Variants in FHOD3 observed in about 807,000 individuals in gnomAD.
The protein encoded by FHOD3 is formin homology 2 domain containing 3, also known as FH1/FH2 domain-containing protein 3.
In FHOD3, 90 loss-of-function variants were observed where a neutral mutation model predicts 173.0. The ratio of observed to expected loss-of-function variants is 0.52; its 90% confidence interval spans 0.44 to 0.62. FHOD3 has a LOEUF of 0.62. Among genes scored for constraint, FHOD3 ranks in the 20% least tolerant of loss-of-function variants. The probability of loss-of-function intolerance (pLI) is 0.00; values close to 1 mark genes in which losing one functional copy is unlikely to be tolerated. For missense variants in FHOD3, 1,945 were observed against 2,034.7 expected, an observed-to-expected ratio of 0.96 and a Z score of 0.85; for synonymous variants, 828 against 823.0, an observed-to-expected ratio of 1.01 and a Z score of -0.10.
At chr18:36,325,932 A>T (rs796296740) in intron 1 of FHOD3, among the ~76,000 whole-genome samples, 20 of 152,360 alleles carry the variant, frequency 1.3e-4, no homozygotes, top group African/African-American at 4.1e-4. Flanking sequence ...CTGAACGAGA[A>T]GTTTTAAAAA....
Position 36,696,803 on chromosome 18 carries a change from T to G in FHOD3, c.2236+3380T>G, listed in dbSNP as rs961839067. ...AGCCCAAGGGAGGGAAAGAAAGACA[T>G]ACACACGCTCCTGTTTGCACTGTGT... is the stretch of plus-strand genomic sequence containing the variant. On this transcript the variant is annotated intron_variant, in intron 17 of 28. Transcript: ENST00000590592. Among the ~76,000 whole-genome samples the G allele has an allele frequency of 2.0e-5, 3 of 152,184 alleles. No individual in the cohort carries two copies. In the East Asian group the frequency reaches 5.8e-4, roughly 29 times the overall value.
chr18:36,713,637 G>T (rs548137897), intron 18 of FHOD3, among the ~76,000 whole-genome samples: 1 of 152,262 alleles, frequency 6.6e-6, no homozygotes, highest in Non-Finnish European at 1.5e-5. Flanking sequence ...ATATTTCAAA[G>T]TAGAATAATT....
intron 2 of FHOD3, 77 bp from the exon 3 acceptor site, chr18:36,372,603 C>T: frequency 1.6e-6 from 2 of 1,259,686 alleles, no homozygotes; most frequent in East Asian, 2.4e-5. Context: ...ATGTCAGAAC[C>T]TTCACGTGGA....
chr18:36,563,935 C>A lies in FHOD3; in HGVS notation c.512-12516C>A, dbSNP rs112220189. Among the ~76,000 whole-genome samples the A allele has an allele frequency of 7.1e-3, 1,083 of 152,226 alleles. 18 individuals are homozygous for A. Among genetic ancestry groups the A allele is most frequent in the African/African-American group, 0.025 (1,026 of 41,520 alleles). Reference sequence around the variant, plus strand: ...TTGGGCTTAATTACTCGTCTCTACACCTTGTGTTCATTGTCTCTGTCACCT... The same window carrying A: ...TTGGGCTTAATTACTCGTCTCTACAACTTGTGTTCATTGTCTCTGTCACCT... On this transcript the variant is annotated intron_variant, in intron 5 of 28. Transcript: ENST00000590592.
At chr18:36,622,377 T>A (rs1045937618) in intron 9 of FHOD3, among the ~76,000 whole-genome samples, 6 of 152,330 alleles carry the variant, frequency 3.9e-5, no homozygotes, top group Admixed American at 6.5e-5. Context: ...TTCTTAAGAA[T>A]GTTCAGATCA....
intron 3 of FHOD3, among the ~76,000 whole-genome samples, chr18:36,427,904 T>TA (rs1191635359): frequency 6.6e-6 from 1 of 152,244 alleles, no homozygotes; most frequent in African/African-American, 2.4e-5. Flanking sequence ...TTGCTAGTTT[T>TA]AAAAAATCAT....
chr18:36,312,506 T>C (rs1422371536), intron 1 of FHOD3, among the ~76,000 whole-genome samples: 2 of 152,104 alleles, frequency 1.3e-5, no homozygotes, highest in East Asian at 3.9e-4. Context: ...TCAGATCTTG[T>C]CATCTTCCCA....
chr18:36,607,973 G>C (rs567595807), intron 8 of FHOD3, among the ~76,000 whole-genome samples: 1 of 151,978 alleles, frequency 6.6e-6, no homozygotes, highest in Admixed American at 6.6e-5. Flanking sequence ...CTGACTTTTC[G>C]TACAACTATT....
chr18:36,669,956 TG>T (rs1439600829), intron 14 of FHOD3, among the ~76,000 whole-genome samples: 3 of 151,972 alleles, frequency 2.0e-5, no homozygotes, highest in African/African-American at 7.2e-5. Context: ...TTTATATGTC[TG>T]GAAAAAATAT....
chr18:36,443,881 A>C (rs1442208359), intron 3 of FHOD3, among the ~76,000 whole-genome samples: 1 of 152,222 alleles, frequency 6.6e-6, no homozygotes, highest in Non-Finnish European at 1.5e-5. Context: ...TAAGAAACTC[A>C]GCTTCCATTA....
intron 5 of FHOD3, among the ~76,000 whole-genome samples, chr18:36,572,890 C>T (rs546061649): frequency 8.5e-5 from 13 of 152,180 alleles, no homozygotes; most frequent in Non-Finnish European, 1.3e-4. Flanking sequence ...TTTTCAGCAG[C>T]GGGACTCAGA....
At chr18:36,624,684 G>T (rs2033965075) in intron 9 of FHOD3, among the ~76,000 whole-genome samples, 1 of 59,534 alleles carries the variant, frequency 1.7e-5, no homozygotes. Flanking sequence ...AATATCCCTT[G>T]GAGAAAGGCA....
At chr18:36,490,081 C>G (rs141557382) in intron 3 of FHOD3, among the ~76,000 whole-genome samples, 1 of 152,332 alleles carries the variant, frequency 6.6e-6, no homozygotes, top group East Asian at 1.9e-4. Context: ...GCTGCCTCCT[C>G]CGGGCACCTG....
intron 19 of FHOD3, among the ~76,000 whole-genome samples, chr18:36,724,855 G>A (rs1375719712): frequency 1.3e-5 from 2 of 152,198 alleles, no homozygotes; most frequent in African/African-American, 2.4e-5. Flanking sequence ...TTGGAGCTCC[G>A]AAGGAGGAGC....
intron 1 of FHOD3, among the ~76,000 whole-genome samples, chr18:36,336,400 C>G (rs1489679105): frequency 1.3e-5 from 2 of 152,184 alleles, no homozygotes; most frequent in African/African-American, 4.8e-5. Flanking sequence ...TAGAGTATCT[C>G]TAGATCCCAA....
chr18:36,628,068 A>T (rs185578778), intron 10 of FHOD3, among the ~76,000 whole-genome samples: 25 of 152,324 alleles, frequency 1.6e-4, no homozygotes, highest in Non-Finnish European at 2.9e-5. Flanking sequence ...TTTTGTAAAG[A>T]AGGGAGAAAT....
rs752680512 is a variant in FHOD3 at position 36,709,176 on chromosome 18, G to A, written c.2318G>A (p.Gly773Asp). The A allele has an allele frequency of 4.3e-6, 7 of 1,614,180 alleles. No individual in the cohort carries two copies. In the South Asian group the frequency reaches 6.6e-5, roughly 15 times the overall value. ...AGAGQVADEAGQDIASAHEGA... is the reference protein window; with the variant it reads ...AGAGQVADEADQDIASAHEGA... ...GCGGGGCAGGTTGCTGATGAAGCTG[G>A]CCAGGACATAGCCTCTGCCCACGAG... Residue 773 changes from glycine (G) to aspartate (D), a missense_variant, in exon 18 of 29, where the codon GGC becomes GAC. By Grantham distance (94) the Gly-to-Asp change is moderately conservative. Around this residue, in one of 5 missense-constraint regions of FHOD3, gnomAD observed 1,099 missense variants for 1,051.2 expected, o/e 1.05. Coordinates refer to ENST00000590592, the MANE Select transcript of FHOD3 (RefSeq NM_001281740.3).
intron 8 of FHOD3, among the ~76,000 whole-genome samples, chr18:36,606,766 T>A (rs2032120055): frequency 6.6e-6 from 1 of 152,096 alleles, no homozygotes; most frequent in South Asian, 2.1e-4. Context: ...ACTTCCAAAA[T>A]ACGTTGGAAC....
chr18:36,430,783 T>C (rs1244834359), intron 3 of FHOD3, among the ~76,000 whole-genome samples: 3 of 152,212 alleles, frequency 2.0e-5, no homozygotes, highest in Non-Finnish European at 4.4e-5. Context: ...CAAGAGACTC[T>C]TGTAAATATC....
Sources: gnomAD v4.1 joint callset for allele counts (sites outside exome capture counted in the v4.1 genomes callset) on GRCh38, gnomAD v4.1.1 for gene constraint, gnomAD v4.1.1 regional missense constraint, MANE v1.5 for transcripts, NCBI Gene and HGNC (gene_info 2026-07-23, HGNC 2026-07-21) for gene names.